The following OPA3 variants were observed in gnomAD, a reference collection of about 807,000 sequenced individuals.
OPA3 encodes the protein outer mitochondrial membrane lipid metabolism regulator OPA3.
A neutral mutation model predicts 4.0 loss-of-function variants in OPA3; 6 were observed. The observed-to-expected ratio is 1.51, with a 90% confidence interval of 0.83 to 2.99. The LOEUF (loss-of-function observed/expected upper bound fraction) is 2.99. OPA3 is among the 30% of genes most tolerant of loss of function. The probability of loss-of-function intolerance (pLI) is 0.00; values close to 1 mark genes in which losing one functional copy is unlikely to be tolerated. For synonymous variants in OPA3, 105 were observed against 117.1 expected, an observed-to-expected ratio of 0.90 and a Z score of 0.67; for missense variants, 235 against 256.2, an observed-to-expected ratio of 0.92 and a Z score of 0.56.
chr19:45,583,507 T>C (rs1027657272), intron 1 of OPA3, among the ~76,000 whole-genome samples: 5 of 151,580 alleles, frequency 3.3e-5, no homozygotes, highest in Admixed American at 3.3e-4. Context: ...CCTTTATTTC[T>C]ATTTATTATT....
chr19:45,551,758 G>T lies in OPA3; in HGVS notation c.*1756C>A. The T allele has an allele frequency of 1.0e-6, 1 of 985,604 alleles. No individual in the cohort carries two copies. The highest frequency in any genetic ancestry group is 1.2e-6 in the Non-Finnish European group (1 of 830,040). 61.1% of individuals were successfully genotyped at this position (985,604 alleles called of 1,614,324 possible). ...GGGGGTGGGACCGGGGGCTATGGAGGCAGGAGGGTACTGCTACATGAAGAC... is the reference window on the plus strand; with the variant it reads ...GGGGGTGGGACCGGGGGCTATGGAGTCAGGAGGGTACTGCTACATGAAGAC... On this transcript the variant is annotated 3_prime_UTR_variant, in exon 2 of 2. Transcript: ENST00000263275.
At position 45,550,977 on chromosome 19, in the gene OPA3, CT is replaced by C; in HGVS notation, c.*2536del. The C allele has an allele frequency of 1.0e-6, 1 of 985,202 alleles. No homozygotes were observed. The highest frequency in any genetic ancestry group is 1.2e-6 in the Non-Finnish European group (1 of 829,832). The allele number at this position is 985,202 out of a possible 1,614,324, so 61.0% of individuals were successfully genotyped here. A position where few individuals can be genotyped will look rare whatever the true frequency, so the allele number is the denominator to read the frequency against. ...GCAGGAGTCCCAGGGTACTTTTTTT[CT>C]GAGAAAGGGTCTCACTCTGTCATCC... On this transcript the variant is annotated 3_prime_UTR_variant, in exon 2 of 2. Coordinates refer to ENST00000263275, the MANE Select transcript of OPA3 (RefSeq NM_025136.4).
At chr19:45,577,016 C>T (rs958284849) in intron 1 of OPA3, among the ~76,000 whole-genome samples, 1 of 152,178 alleles carries the variant, frequency 6.6e-6, no homozygotes, top group South Asian at 2.1e-4. Context: ...TGGAATTTTC[C>T]TACTGCCCAG....
downstream of OPA3, among the ~76,000 whole-genome samples, chr19:45,542,551 A>G (rs1969197003): frequency 6.6e-6 from 1 of 152,208 alleles, no homozygotes; most frequent in Non-Finnish European, 1.5e-5. Context: ...ACATCCAAAC[A>G]TAGAAACGGT....
chr19:45,582,765 T>C (rs1236025001), intron 1 of OPA3, among the ~76,000 whole-genome samples: 2 of 152,182 alleles, frequency 1.3e-5, no homozygotes, highest in Non-Finnish European at 1.5e-5. Flanking sequence ...TCTCAAGCAC[T>C]GATCTTAGGA....
At chr19:45,575,980 T>C (rs1434898687) in intron 1 of OPA3, among the ~76,000 whole-genome samples, 2 of 152,230 alleles carry the variant, frequency 1.3e-5, no homozygotes, top group South Asian at 2.1e-4. Flanking sequence ...ACGCCTGTAA[T>C]CCCAGCACTC....
intron 1 of OPA3, among the ~76,000 whole-genome samples, chr19:45,577,090 C>T (rs1380375006): frequency 1.3e-5 from 2 of 152,236 alleles, no homozygotes; most frequent in Non-Finnish European, 2.9e-5. Context: ...CTCAACCTGC[C>T]TAACATCACC....
At chr19:45,555,096 T>C (rs73568989) in intron 1 of OPA3, among the ~76,000 whole-genome samples, 7,917 of 152,240 alleles carry the variant, frequency 0.052, 676 homozygotes, top group African/African-American at 0.18. Context: ...ATCCAAAAGA[T>C]GAACATTTTA....
At chr19:45,559,532 G>C (rs1167083201) in intron 1 of OPA3, among the ~76,000 whole-genome samples, 1 of 150,840 alleles carries the variant, frequency 6.6e-6, no homozygotes, top group Admixed American at 6.6e-5. Context: ...CTCCCATGTA[G>C]CTGGGACTAC....
intron 1 of OPA3, among the ~76,000 whole-genome samples, chr19:45,577,668 T>C (rs555359660): frequency 6.6e-6 from 1 of 152,306 alleles, no homozygotes; most frequent in Non-Finnish European, 1.5e-5. Context: ...GTTCTTGACA[T>C]GGTTACACCT....
intron 1 of OPA3, among the ~76,000 whole-genome samples, chr19:45,568,169 G>C (rs938426618): frequency 6.6e-6 from 1 of 151,966 alleles, no homozygotes; most frequent in African/African-American, 2.4e-5. Flanking sequence ...TGGCAATCCA[G>C]TCAATTTATT....
intron 1 of OPA3, among the ~76,000 whole-genome samples, chr19:45,572,464 ATAT>A (rs1969689619): frequency 7.7e-6 from 1 of 129,950 alleles, no homozygotes; most frequent in African/African-American, 2.7e-5. Flanking sequence ...TATATATCAT[ATAT>A]CATATAATAA....
downstream of OPA3, among the ~76,000 whole-genome samples, chr19:45,541,506 G>A (rs1037287921): frequency 6.6e-6 from 1 of 152,104 alleles, no homozygotes; most frequent in Non-Finnish European, 1.5e-5. Context: ...AGAAGTTTGA[G>A]ACTAGCCTGG....
chr19:45,576,586 T>G (rs548471766), intron 1 of OPA3, among the ~76,000 whole-genome samples: 1 of 142,844 alleles, frequency 7.0e-6, no homozygotes, highest in African/African-American at 2.7e-5. Context: ...TAGGCTAATC[T>G]CAAGGTGTCC....
chr19:45,534,184 C>A (rs945608975), intron 1 of OPA3, among the ~76,000 whole-genome samples: 9 of 152,190 alleles, frequency 5.9e-5, no homozygotes, highest in African/African-American at 1.9e-4. Flanking sequence ...ATACAACTGC[C>A]ATTAACCCCC....
intron 1 of OPA3, among the ~76,000 whole-genome samples, chr19:45,537,417 A>AAAACAAGAAAAAAG (rs1969133361): frequency 6.6e-6 from 1 of 150,984 alleles, no homozygotes; most frequent in Non-Finnish European, 1.5e-5. Flanking sequence ...AAAAAAAAAA[A>AAAACAAGAAAAAAG]AAAAACAAGA....
Position 45,548,656 on chromosome 19 carries a change from T to G in OPA3, c.*4858A>C. The G allele has an allele frequency of 1.5e-6, 1 of 655,270 alleles. No individual in the cohort carries two copies. The highest frequency in any genetic ancestry group is 1.7e-6 in the Non-Finnish European group (1 of 574,326). The allele number at this position is 655,270 out of a possible 1,614,324, so 40.6% of individuals were successfully genotyped here. A position where few individuals can be genotyped will look rare whatever the true frequency, so the allele number is the denominator to read the frequency against. Reference sequence around the variant, plus strand: ...ACTCAGTGAGTTTTGTGTTTTATTTTTTTTATTTTTTTTTTTTTTGCGGGA... The same window carrying G: ...ACTCAGTGAGTTTTGTGTTTTATTTGTTTTATTTTTTTTTTTTTTGCGGGA... On this transcript the variant is annotated 3_prime_UTR_variant, in exon 2 of 2. Transcript: ENST00000263275.
Position 45,546,548 on chromosome 19 carries a change from T to A in OPA3, c.*6966A>T, listed in dbSNP as rs1969251728. 3.2e-6 allele frequency: 1 copy of A among 314,072 alleles called. No homozygotes were observed. Among genetic ancestry groups the A allele is most frequent in the Admixed American group, 6.5e-5 (1 of 15,306 alleles). The allele number at this position is 314,072 out of a possible 1,614,324, so 19.5% of individuals were successfully genotyped here. On this transcript the variant is annotated 3_prime_UTR_variant, in exon 2 of 2. Coordinates refer to ENST00000263275, the MANE Select transcript of OPA3 (RefSeq NM_025136.4). Reference sequence around the variant, plus strand: ...TCTCACTTTGTCTCCCAGGTTGAGGTGCTGTGGCCTGATCTCAGTTCACTG... The same window carrying A: ...TCTCACTTTGTCTCCCAGGTTGAGGAGCTGTGGCCTGATCTCAGTTCACTG...
chr19:45,569,362 A>C (rs1334949367), intron 1 of OPA3, among the ~76,000 whole-genome samples: 1 of 152,126 alleles, frequency 6.6e-6, no homozygotes, highest in Non-Finnish European at 1.5e-5. Context: ...AGGAGGCTGA[A>C]GCAGAAGAAT....
Sources: gnomAD v4.1 joint callset for allele counts (sites outside exome capture counted in the v4.1 genomes callset) on GRCh38, gnomAD v4.1.1 for gene constraint, MANE v1.5 for transcripts, NCBI Gene and HGNC (gene_info 2026-07-23, HGNC 2026-07-21) for gene names.